STAU2: variants seen among roughly 807,000 people sequenced by gnomAD.
STAU2 encodes staufen double-stranded RNA binding protein 2.
Under a neutral mutation model 65.9 loss-of-function variants are expected in STAU2, and 20 were observed. The ratio of observed to expected loss-of-function variants is 0.30; its 90% CI spans 0.21 to 0.44. The LOEUF is 0.44. Among genes scored for constraint, STAU2 ranks in the 20% least tolerant of loss-of-function variants. The probability of loss-of-function intolerance (pLI) is 1.00; values close to 1 mark genes in which losing one functional copy is unlikely to be tolerated. For missense variants in STAU2, 558 were observed against 683.9 expected, an observed-to-expected ratio of 0.82 and a Z score of 2.05; for synonymous variants, 232 against 233.9, an observed-to-expected ratio of 0.99 and a Z score of 0.07.
chr8:73,744,062 A>T (rs1344165900), intron 1 of STAU2, among the ~76,000 whole-genome samples: 2 of 151,962 alleles, frequency 1.3e-5, no homozygotes, highest in Non-Finnish European at 2.9e-5. Flanking sequence ...GAGCCACCCC[A>T]CCTGGCCAAT....
At chr8:73,688,529 T>TGTGTAG (rs1255407372) in intron 5 of STAU2, 125 bp downstream of exon 5, 1 of 787,116 alleles carries the variant, frequency 1.3e-6, no homozygotes, top group African/African-American at 1.7e-5. Context: ...TGTGTGTGTG[T>TGTGTAG]GTAGGTATGG....
chr8:73,688,915 A>T (rs1316002912), intron 4 of STAU2, 102 bp from the exon 5 acceptor site: 15 of 1,383,550 alleles, frequency 1.1e-5, no homozygotes, highest in Non-Finnish European at 1.4e-5. Context: ...AGAATTTTAG[A>T]GCTAGAGGTG....
chr8:73,508,763 C>T (rs1229432434), intron 13 of STAU2, among the ~76,000 whole-genome samples: 1 of 152,096 alleles, frequency 6.6e-6, no homozygotes, highest in East Asian at 1.9e-4. Context: ...GGTCTCATGT[C>T]TATTTTTCAT....
chr8:73,601,500 G>T (rs1033856190), intron 10 of STAU2, among the ~76,000 whole-genome samples: 2 of 151,872 alleles, frequency 1.3e-5, no homozygotes, highest in Non-Finnish European at 2.9e-5. Context: ...TTTTTCTTTG[G>T]TAACAGATAA....
intron 13 of STAU2, among the ~76,000 whole-genome samples, chr8:73,490,185 T>A (rs796740559): frequency 2.0e-5 from 3 of 152,040 alleles, no homozygotes; most frequent in Admixed American, 2.0e-4. Context: ...TTCGTGTAAA[T>A]GACAGCAAGG....
intron 6 of STAU2, among the ~76,000 whole-genome samples, chr8:73,619,378 A>G (rs945902835): frequency 6.6e-6 from 1 of 152,214 alleles, no homozygotes; most frequent in Non-Finnish European, 1.5e-5. Context: ...TGCAATGCTG[A>G]AAAAAATGAG....
At chr8:73,652,902 T>G (rs1394328480) in intron 6 of STAU2, 2 of 152,096 alleles carry the variant, frequency 1.3e-5, no homozygotes, top group East Asian at 1.9e-4. Flanking sequence ...TTAGCAAAAT[T>G]TATGACAGAA....
In STAU2 at chr8:73,678,028, C is replaced by T. The variant is rs142343373; in HGVS notation, c.275-4786G>A. Among the ~76,000 whole-genome samples the T allele has an allele frequency of 3.8e-3, 571 of 152,250 alleles. 2 individuals carry two copies. The highest frequency in any genetic ancestry group is 0.01 in the Middle Eastern group (3 of 294). Reference sequence around the variant, plus strand: ...TTTGCTTTACATTATATGCCTTAGACAGCTTGTTCTGTTCCATTCCAAATG... The same window carrying T: ...TTTGCTTTACATTATATGCCTTAGATAGCTTGTTCTGTTCCATTCCAAATG... On this transcript the variant is annotated intron_variant, in intron 5 of 14. Transcript: ENST00000524300.
chr8:73,492,455 C>T (rs1821197420), intron 13 of STAU2, among the ~76,000 whole-genome samples: 1 of 151,782 alleles, frequency 6.6e-6, no homozygotes, highest in Admixed American at 6.6e-5. Context: ...AGTAAATCAC[C>T]TCCAATTGAC....
upstream of STAU2, among the ~76,000 whole-genome samples, chr8:73,747,107 G>A (rs112275738): frequency 7.6e-3 from 1,161 of 151,936 alleles, 8 homozygotes; most frequent in Non-Finnish European, 0.012. Flanking sequence ...CGGCTGCCGG[G>A]CCCCAGCAGC....
rs568751914 is a variant in STAU2 at position 73,557,514 on chromosome 8, T to C, written c.1223-5195A>G. On this transcript the variant is annotated intron_variant, in intron 12 of 14. Coordinates refer to ENST00000524300, the MANE Select transcript of STAU2 (RefSeq NM_001164380.2). ...TATTTAAGGACCTTATTTTGCTAAT[T>C]AGGTTTCTCCCAAAAAACTACCCCA... is the stretch of plus-strand genomic sequence containing the variant. Among the ~76,000 whole-genome samples, 24 of 152,326 alleles carry C rather than the reference T, an allele frequency of 1.6e-4. No individual in the cohort carries two copies. In the South Asian group the frequency reaches 4.8e-3, roughly 30 times the overall value.
intron 13 of STAU2, among the ~76,000 whole-genome samples, chr8:73,548,009 AG>A (rs61593426): frequency 0.69 from 104,782 of 151,834 alleles, 37,178 homozygotes; most frequent in Non-Finnish European, 0.79. Context: ...TTAAAGTATA[AG>A]GGAGGATGTG....
chr8:73,745,099 A>G (rs993982081), intron 1 of STAU2, among the ~76,000 whole-genome samples: 3 of 152,256 alleles, frequency 2.0e-5, no homozygotes, highest in Admixed American at 2.0e-4. Context: ...CTAGCCTACC[A>G]TATAATAAAA....
At chr8:73,454,385 T>C (rs1285789094) in intron 13 of STAU2, among the ~76,000 whole-genome samples, 1 of 152,248 alleles carries the variant, frequency 6.6e-6, no homozygotes, top group East Asian at 1.9e-4. Flanking sequence ...TAACCTAATT[T>C]TTACAATGTT....
At position 73,575,858 on chromosome 8, in the gene STAU2, G is replaced by A. The variant is rs534560457; in HGVS notation, c.1222+6912C>T. Among the ~76,000 whole-genome samples the A allele has an allele frequency of 3.9e-5, 6 of 152,066 alleles. No individual in the cohort carries two copies. In the East Asian group the frequency reaches 7.7e-4, roughly 20 times the overall value. On this transcript the variant is annotated intron_variant, in intron 12 of 14. Coordinates refer to ENST00000524300, the MANE Select transcript of STAU2 (RefSeq NM_001164380.2). ...AGTTACCTGCTTGAAGGTCAGGGTG[G>A]CCACTGCACTAATGAGGACAAAAAA...
At chr8:73,616,695 G>A (rs911764902) in intron 7 of STAU2, among the ~76,000 whole-genome samples, 2 of 152,226 alleles carry the variant, frequency 1.3e-5, no homozygotes, top group African/African-American at 4.8e-5. Context: ...CTACTCAAGA[G>A]GCTGAGGCAG....
rs575593116 is a variant in STAU2 at position 73,507,374 on chromosome 8, T to C, written c.1530+44638A>G. ...ACATTCATCTCCTTGTACATCTCCA[T>C]CATGGCTCTTGCATGACCAGGTACA... On this transcript the variant is annotated intron_variant, in intron 13 of 14. Coordinates refer to ENST00000524300, the MANE Select transcript of STAU2 (RefSeq NM_001164380.2). Among the ~76,000 whole-genome samples, 149 of 152,302 alleles carry C rather than the reference T, an allele frequency of 9.8e-4. 1 individual carries two copies. Among genetic ancestry groups the C allele is most frequent in the Admixed American group, 3.9e-3 (59 of 15,286 alleles).
At chr8:73,570,187 G>T (rs918225439) in intron 12 of STAU2, among the ~76,000 whole-genome samples, 5 of 152,184 alleles carry the variant, frequency 3.3e-5, no homozygotes, top group Admixed American at 3.3e-4. Context: ...CTTCAGTACT[G>T]ATTTGATCAA....
chr8:73,674,739 G>A (rs1367739458), intron 5 of STAU2, among the ~76,000 whole-genome samples: 1 of 150,188 alleles, frequency 6.7e-6, no homozygotes, highest in African/African-American at 2.4e-5. Flanking sequence ...ATAGACTAAA[G>A]AATTAATGTC....
Sources: gnomAD v4.1 joint callset for allele counts (sites outside exome capture counted in the v4.1 genomes callset) on GRCh38, gnomAD v4.1.1 for gene constraint, MANE v1.5 for transcripts, NCBI Gene and HGNC (gene_info 2026-07-23, HGNC 2026-07-21) for gene names.